Variants in SH3D19 observed in about 807,000 individuals in gnomAD.
SH3D19 encodes the protein SH3 domain-containing protein 19.
Under a neutral mutation model 112.1 loss-of-function variants are expected in SH3D19, and 58 were observed. The ratio of observed to expected loss-of-function variants is 0.52; its 90% CI spans 0.42 to 0.64. The LOEUF (loss-of-function observed/expected upper bound fraction) is 0.64, where lower values mean the gene tolerates loss of function less well. SH3D19 is among the 30% of genes least tolerant of loss of function. The probability of loss-of-function intolerance (pLI) is 0.00; values close to 1 mark genes in which losing one functional copy is unlikely to be tolerated. For missense variants in SH3D19, 1,090 were observed against 1,263.4 expected, an observed-to-expected ratio of 0.86 and a Z score of 2.08; for synonymous variants, 391 against 448.5, an observed-to-expected ratio of 0.87 and a Z score of 1.62.
intron 7 of SH3D19, among the ~76,000 whole-genome samples, chr4:151,167,356 G>A (rs1288550364): frequency 6.6e-6 from 1 of 151,726 alleles, no homozygotes; most frequent in African/African-American, 2.4e-5. Flanking sequence ...TTGTAAAAGT[G>A]AGAAACATTA....
At position 151,127,645 on chromosome 4, in the gene SH3D19, C is replaced by T. The variant is rs756003539; in HGVS notation, c.3000G>A (p.Gly1000=). The T allele has an allele frequency of 6.2e-7, 1 of 1,603,648 alleles. No individual in the cohort carries two copies. The highest frequency in any genetic ancestry group is 8.5e-7 in the Non-Finnish European group (1 of 1,176,236). Reference sequence around the variant, plus strand: ...TGAAGGAAAGTTCATCTTCATTCTCCCCTCGGAAATCATATAAGGCTTTGG... The same window carrying T: ...TGAAGGAAAGTTCATCTTCATTCTCTCCTCGGAAATCATATAAGGCTTTGG... ...RKAKALYDFR[G]ENEDELSFKA... Residue 1000 remains glycine, a synonymous_variant, in exon 19 of 20, where the codon GGG becomes GGA. Transcript: ENST00000604030.
intron 1 of SH3D19, among the ~76,000 whole-genome samples, chr4:151,302,186 T>C (rs1045822920): frequency 4.6e-5 from 7 of 152,224 alleles, no homozygotes; most frequent in African/African-American, 9.6e-5. Flanking sequence ...CACTGGTACA[T>C]GCTTTGCTAT....
chr4:151,299,793 A>T (rs1351503654), intron 1 of SH3D19, among the ~76,000 whole-genome samples: 2 of 152,276 alleles, frequency 1.3e-5, no homozygotes, highest in African/African-American at 2.4e-5. Context: ...GAGGCTGCTG[A>T]GTTAAGTGTC....
At chr4:151,200,266 C>G (rs539498026) in intron 2 of SH3D19, among the ~76,000 whole-genome samples, 44 of 151,958 alleles carry the variant, frequency 2.9e-4, no homozygotes, top group Non-Finnish European at 5.3e-4. Context: ...ACACACACAC[C>G]CCACACACAT....
chr4:151,151,765 C>T (rs1290032124), intron 9 of SH3D19, among the ~76,000 whole-genome samples: 1 of 152,086 alleles, frequency 6.6e-6, no homozygotes, highest in Non-Finnish European at 1.5e-5. Context: ...ACAAATATTG[C>T]CATGATGCTT....
intron 2 of SH3D19, among the ~76,000 whole-genome samples, chr4:151,225,116 T>C (rs1339589756): frequency 6.6e-6 from 1 of 152,192 alleles, no homozygotes; most frequent in Non-Finnish European, 1.5e-5. Context: ...ATGAAATTTT[T>C]ATAGATCTTA....
chr4:151,322,212 G>C (rs1333810633), intron 1 of SH3D19, among the ~76,000 whole-genome samples: 1 of 151,880 alleles, frequency 6.6e-6, no homozygotes, highest in African/African-American at 2.4e-5. Flanking sequence ...ACTTTGGGAG[G>C]CTGAGGTGGG....
intron 2 of SH3D19, among the ~76,000 whole-genome samples, chr4:151,194,224 C>T (rs1763074540): frequency 6.7e-6 from 1 of 150,164 alleles, no homozygotes; most frequent in Non-Finnish European, 1.5e-5. Context: ...GATGGGGTCT[C>T]ACCAGTTGGC....
chr4:151,218,012 G>C (rs1008854263), intron 2 of SH3D19, among the ~76,000 whole-genome samples: 18 of 151,918 alleles, frequency 1.2e-4, no homozygotes, highest in Non-Finnish European at 2.2e-4. Flanking sequence ...TTAAATATAT[G>C]CTATATATAT....
chr4:151,132,975 T>C (rs939065569), intron 16 of SH3D19, 59 bp downstream of exon 16: 17 of 1,341,046 alleles, frequency 1.3e-5, no homozygotes, highest in African/African-American at 1.0e-4. Context: ...AGTATAATGA[T>C]ATTATTTGGT....
At position 151,133,209 on chromosome 4, in the gene SH3D19, T is replaced by C. The variant is rs1751102653; in HGVS notation, c.2514A>G (p.Glu838=). The change falls in exon 16 of 20, where the codon GAA becomes GAG. Residue 838 remains glutamate, a synonymous_variant. Transcript: ENST00000604030. ...VKGSRCVARF[E]YIGEQKDELS... The stretch of plus-strand genomic sequence containing the variant: ...ACTCATCCTTCTGCTCTCCAATATA[T>C]TCAAACCGAGCAACACATCTTGAGC... 6.2e-7 allele frequency: 1 copy of C among 1,614,140 alleles called. No homozygotes were observed. Among genetic ancestry groups the C allele is most frequent in the Non-Finnish European group, 8.5e-7 (1 of 1,180,032 alleles).
intron 1 of SH3D19, among the ~76,000 whole-genome samples, chr4:151,297,314 T>C (rs1044507122): frequency 1.3e-5 from 2 of 152,222 alleles, no homozygotes; most frequent in Non-Finnish European, 2.9e-5. Context: ...TCCATCTCCA[T>C]GTAGTTGGAT....
intron 1 of SH3D19, among the ~76,000 whole-genome samples, chr4:151,267,456 G>T (rs1025022478): frequency 2.0e-5 from 3 of 151,132 alleles, no homozygotes; most frequent in African/African-American, 7.4e-5. Context: ...CTAGTTATTT[G>T]TACCTCTTGT....
chr4:151,300,392 A>C (rs1037869388), intron 1 of SH3D19: 2 of 152,200 alleles, frequency 1.3e-5, no homozygotes, highest in Non-Finnish European at 2.9e-5. Flanking sequence ...TACTGAGTTC[A>C]TAAAATATGC....
intron 17 of SH3D19, 124 bp downstream of exon 17, chr4:151,132,207 C>A: frequency 1.3e-6 from 1 of 753,686 alleles, no homozygotes; most frequent in South Asian, 1.9e-5. Flanking sequence ...GAATTTATTA[C>A]AAACATTTGT....
intron 2 of SH3D19, among the ~76,000 whole-genome samples, chr4:151,208,752 A>T (rs563978867): frequency 5.4e-4 from 81 of 150,114 alleles, no homozygotes; most frequent in Non-Finnish European, 1.0e-4. Context: ...ATCTCAGCTC[A>T]CTGCAAGCTC....
At chr4:151,131,495 C>CTT (rs949408809) in intron 17 of SH3D19, among the ~76,000 whole-genome samples, 1 of 105,876 alleles carries the variant, frequency 9.4e-6, no homozygotes, top group African/African-American at 3.5e-5. Flanking sequence ...TTCTTTTTTT[C>CTT]TTTTTTTTTG....
intron 1 of SH3D19, among the ~76,000 whole-genome samples, chr4:151,298,539 A>C (rs1332295542): frequency 1.3e-5 from 2 of 152,194 alleles, no homozygotes; most frequent in Non-Finnish European, 2.9e-5. Flanking sequence ...ATAGGAAACT[A>C]AATGCAGACA....
chr4:151,126,265 G>A (rs1026309311), intron 19 of SH3D19, among the ~76,000 whole-genome samples: 1 of 152,084 alleles, frequency 6.6e-6, no homozygotes, highest in African/African-American at 2.4e-5. Context: ...AACCCTGTTT[G>A]GTTGTCCACT....
Sources: gnomAD v4.1 joint callset for allele counts (sites outside exome capture counted in the v4.1 genomes callset) on GRCh38, gnomAD v4.1.1 for gene constraint, MANE v1.5 for transcripts, NCBI Gene and HGNC (gene_info 2026-07-23, HGNC 2026-07-21) for gene names.